The following CADPS variants were observed in gnomAD, a reference collection of about 807,000 sequenced individuals.
CADPS encodes the protein calcium dependent secretion activator.
In CADPS, 57 loss-of-function variants were observed where a neutral mutation model predicts 167.3. That is an observed-to-expected ratio of 0.34 (90% CI 0.28 to 0.42). The LOEUF (loss-of-function observed/expected upper bound fraction) is 0.42. CADPS is among the 20% of genes least tolerant of loss of function. The probability of loss-of-function intolerance (pLI) is 1.00; values close to 1 mark genes in which losing one functional copy is unlikely to be tolerated. For missense variants in CADPS, 1,414 were observed against 1,738.1 expected (o/e 0.81, Z 3.32); for synonymous variants, 676 against 635.3 (o/e 1.06, Z -0.96).
chr3:62,836,103 C>G (rs1488744879), intron 1 of CADPS, among the ~76,000 whole-genome samples: 1 of 152,200 alleles, frequency 6.6e-6, no homozygotes, highest in African/African-American at 2.4e-5. Context: ...GTTGAAATCA[C>G]TTGGGAAAAA....
At chr3:62,650,122 T>C (rs1035572330) in intron 5 of CADPS, among the ~76,000 whole-genome samples, 1 of 152,196 alleles carries the variant, frequency 6.6e-6, no homozygotes, top group African/African-American at 2.4e-5. Flanking sequence ...CATATGGTAG[T>C]TTTATGTTTA....
At chr3:62,778,636 T>C (rs1194838490) in intron 1 of CADPS, among the ~76,000 whole-genome samples, 1 of 152,106 alleles carries the variant, frequency 6.6e-6, no homozygotes, top group Non-Finnish European at 1.5e-5. Flanking sequence ...TTACAGAAAA[T>C]ATTGATGCCT....
chr3:62,774,593 A>G (rs898935299), intron 1 of CADPS, among the ~76,000 whole-genome samples: 9 of 152,262 alleles, frequency 5.9e-5, no homozygotes, highest in African/African-American at 1.7e-4. Flanking sequence ...GGAGTTTAAA[A>G]TATTAACTCA....
At chr3:62,853,509 C>T (rs927155385) in intron 1 of CADPS, among the ~76,000 whole-genome samples, 2 of 151,790 alleles carry the variant, frequency 1.3e-5, no homozygotes, top group African/African-American at 4.8e-5. Flanking sequence ...CCTGTAATCC[C>T]AGCTACTCGG....
intron 1 of CADPS, among the ~76,000 whole-genome samples, chr3:62,781,417 G>A (rs2091579289): frequency 6.6e-6 from 1 of 152,168 alleles, no homozygotes; most frequent in South Asian, 2.1e-4. Context: ...CTTTCAAAGA[G>A]TAAGTGGATT....
intron 11 of CADPS, 34 bp downstream of exon 11, chr3:62,549,869 A>G: frequency 6.5e-7 from 1 of 1,533,070 alleles, no homozygotes; most frequent in Non-Finnish European, 9.0e-7. Context: ...TTTACTCTAC[A>G]GAGCTATTTT....
At chr3:62,487,436 C>G (rs2063009137) in intron 21 of CADPS, among the ~76,000 whole-genome samples, 1 of 152,178 alleles carries the variant, frequency 6.6e-6, no homozygotes, top group South Asian at 2.1e-4. Flanking sequence ...AGTGGTGACC[C>G]TACTACATGT....
intron 28 of CADPS, among the ~76,000 whole-genome samples, chr3:62,422,256 C>T (rs1042013947): frequency 4.6e-5 from 7 of 152,112 alleles, no homozygotes; most frequent in Non-Finnish European, 8.8e-5. Context: ...TTAAACGGTA[C>T]GCAGTGCTGA....
At position 62,420,047 on chromosome 3, in the gene CADPS, C is replaced by T. The variant is rs1205273681; in HGVS notation, c.3778-16862G>A. Among the ~76,000 whole-genome samples the T allele has an allele frequency of 6.6e-6, 1 of 152,114 alleles. No homozygotes were observed. The highest frequency in any genetic ancestry group is 2.4e-5 in the African/African-American group (1 of 41,430). On this transcript the variant is annotated intron_variant, in intron 28 of 29. Transcript: ENST00000383710. This position sits in a 1 kb window ranked among gnomAD's most constrained non-coding sequence, Gnocchi z 4.1. The stretch of plus-strand genomic sequence containing the variant: ...CTGAGGTGGTTTTCATCATTACTCT[C>T]AACATACAAAAGCATGGTCTATGTA...
Position 62,736,405 on chromosome 3 carries a change from T to C in CADPS, c.888+17036A>G, listed in dbSNP as rs371070532. Among the ~76,000 whole-genome samples, 6 of 152,360 alleles carry C rather than the reference T, an allele frequency of 3.9e-5. No homozygotes were observed. The East Asian group carries it at 9.6e-4, about 24-fold the overall frequency. ...CCACATGAACATATTATTTAAAATA[T>C]GATTTATAGGTGAGACATCCACAGA... On this transcript the variant is annotated intron_variant, in intron 3 of 29. Coordinates refer to ENST00000383710, the MANE Select transcript of CADPS (RefSeq NM_003716.4).
intron 6 of CADPS, among the ~76,000 whole-genome samples, chr3:62,612,484 T>C (rs1010258502): frequency 3.3e-5 from 5 of 152,220 alleles, no homozygotes; most frequent in Middle Eastern, 3.2e-3. Flanking sequence ...CCCTTCCCCA[T>C]TCATCCCTTG....
At chr3:62,497,944 G>A (rs117939843) in intron 18 of CADPS, among the ~76,000 whole-genome samples, 1 of 152,272 alleles carries the variant, frequency 6.6e-6, no homozygotes, top group East Asian at 1.9e-4. Context: ...CTTCATGCAC[G>A]CACAAGAGAA....
chr3:62,518,980 T>A (rs1469801930), intron 13 of CADPS, among the ~76,000 whole-genome samples: 1 of 152,176 alleles, frequency 6.6e-6, no homozygotes, highest in African/African-American at 2.4e-5. Context: ...AATAAATGAT[T>A]TCAGTTTGAT....
chr3:62,766,760 C>T (rs1358278559), intron 1 of CADPS, among the ~76,000 whole-genome samples: 11 of 152,172 alleles, frequency 7.2e-5, no homozygotes, highest in Admixed American at 7.2e-4. Flanking sequence ...CCTTATCTGG[C>T]TCTATCATGC....
rs188057980 is a variant in CADPS at position 62,452,354 on chromosome 3, C to T, written c.3637-6557G>A. Among the ~76,000 whole-genome samples the T allele has an allele frequency of 8.8e-3, 1,081 of 123,124 alleles. 9 individuals are homozygous for T. The highest frequency in any genetic ancestry group is 0.015 in the Non-Finnish European group (763 of 52,342). The allele number at this position is 123,124 out of a possible 152,430, so 80.8% of individuals were successfully genotyped here. A position where few individuals can be genotyped will look rare whatever the true frequency, so the allele number is the denominator to read the frequency against. ...AATTTAAATAAATTAAAAGAAAATA[C>T]AAGTAACATTCAACTTTTTAGTTGC... On this transcript the variant is annotated intron_variant, in intron 26 of 29. Coordinates refer to ENST00000383710, the MANE Select transcript of CADPS (RefSeq NM_003716.4).
At chr3:62,686,227 G>A (rs1271085801) in intron 3 of CADPS, among the ~76,000 whole-genome samples, 4 of 152,008 alleles carry the variant, frequency 2.6e-5, no homozygotes, top group Non-Finnish European at 5.9e-5. Flanking sequence ...GCATGTTTTA[G>A]CAAACAGAAG....
intron 1 of CADPS, among the ~76,000 whole-genome samples, chr3:62,830,041 G>A (rs969932088): frequency 6.6e-6 from 1 of 152,136 alleles, no homozygotes; most frequent in East Asian, 1.9e-4. Flanking sequence ...GTGGCTCAGT[G>A]GGTGATTGGT....
intron 4 of CADPS, among the ~76,000 whole-genome samples, chr3:62,658,340 A>C (rs1407670327): frequency 6.6e-6 from 1 of 152,122 alleles, no homozygotes; most frequent in Non-Finnish European, 1.5e-5. Context: ...GCAGAGAGAG[A>C]GTTCAGGATG....
intron 22 of CADPS, among the ~76,000 whole-genome samples, chr3:62,479,456 A>C (rs1300762338): frequency 6.6e-6 from 1 of 152,254 alleles, no homozygotes; most frequent in Non-Finnish European, 1.5e-5. Context: ...GACATCGTCT[A>C]TAGAAACAGA....
Sources: allele counts gnomAD v4.1 joint callset (sites outside exome capture counted in the v4.1 genomes callset), GRCh38; gene constraint gnomAD v4.1.1; non-coding constraint Gnocchi (gnomAD v3.1); transcripts MANE v1.5; gene names NCBI Gene and HGNC (gene_info 2026-07-23, HGNC 2026-07-21).